Variants in SIM2 observed in about 807,000 individuals in gnomAD.
The protein encoded by SIM2 is SIM bHLH transcription factor 2, also known as single-minded homolog 2.
A neutral mutation model predicts 64.8 loss-of-function variants in SIM2; 28 were observed. That is an observed-to-expected ratio of 0.43 (90% CI 0.32 to 0.59). SIM2 has a LOEUF of 0.59. Ranked by LOEUF, SIM2 falls within the 20% of genes least tolerant of loss-of-function variation. The pLI is 0.07. For synonymous variants in SIM2, 408 were observed against 391.1 expected, an observed-to-expected ratio of 1.04 and a Z score of -0.51; for missense variants, 847 against 871.4, an observed-to-expected ratio of 0.97 and a Z score of 0.35.
In SIM2 at chr21:36,731,164, C is replaced by A; in HGVS notation, c.850+13C>A. 6.2e-7 allele frequency: 1 copy of A among 1,602,852 alleles called. No homozygotes were observed. The highest frequency in any genetic ancestry group is 8.5e-7 in the Non-Finnish European group (1 of 1,170,636). On this transcript the variant is annotated intron_variant, in intron 7 of 10. Coordinates refer to ENST00000290399, the MANE Select transcript of SIM2 (RefSeq NM_005069.6). ...GCACACCACCTCCGTGAGTAGCACG[C>A]CCACCCCAGCCACGGGAGGTAGCTG...
chr21:36,737,406 A>G (rs2089079461), intron 7 of SIM2, among the ~76,000 whole-genome samples: 1 of 151,972 alleles, frequency 6.6e-6, no homozygotes, highest in Admixed American at 6.6e-5. Flanking sequence ...TGTTTGGGAG[A>G]CTTTTTCTTG....
chr21:36,703,956 C>T (rs2123411436), intron 1 of SIM2, among the ~76,000 whole-genome samples: 1 of 152,376 alleles, frequency 6.6e-6, no homozygotes, highest in African/African-American at 2.4e-5. Flanking sequence ...GCACAACAGG[C>T]TGGTCCCAGG....
chr21:36,720,325 A>G (rs1261378662), intron 4 of SIM2: 2 of 174,304 alleles, frequency 1.1e-5, no homozygotes, highest in Non-Finnish European at 2.4e-5. Flanking sequence ...TTTCATGGGG[A>G]AAATTACATA....
intron 7 of SIM2, among the ~76,000 whole-genome samples, chr21:36,741,465 T>C (rs1266126668): frequency 6.6e-6 from 1 of 152,244 alleles, no homozygotes; most frequent in Admixed American, 6.5e-5. Flanking sequence ...CAATGACTGT[T>C]AAATAAGAGT....
At chr21:36,742,988 G>A (rs555973631) in intron 8 of SIM2, among the ~76,000 whole-genome samples, 1 of 152,278 alleles carries the variant, frequency 6.6e-6, no homozygotes, top group Admixed American at 6.5e-5. Context: ...GAAGAGTCCC[G>A]GACTCTTGCC....
intron 2 of SIM2, among the ~76,000 whole-genome samples, chr21:36,712,278 C>T (rs2088687547): frequency 6.6e-6 from 1 of 152,194 alleles, no homozygotes; most frequent in African/African-American, 2.4e-5. Context: ...AAATGTTTTG[C>T]ATGATTTTTG....
Position 36,723,037 on chromosome 21 carries a change from G to T in SIM2, c.458-8G>T, listed in dbSNP as rs1284416699. On this transcript the variant is annotated splice_region_variant and splice_polypyrimidine_tract_variant and intron_variant, in intron 4 of 10. Transcript: ENST00000290399. ...CAGCTGCCAACCTCATCTTGCTCCTGCTTGCAGAGTATGAGATAGAGAGGT... is the reference window on the plus strand; with the variant it reads ...CAGCTGCCAACCTCATCTTGCTCCTTCTTGCAGAGTATGAGATAGAGAGGT... 3.7e-6 allele frequency: 6 copies of T among 1,613,044 alleles called. No individual in the cohort carries two copies. In the East Asian group the frequency reaches 8.9e-5, roughly 24 times the overall value.
At chr21:36,724,621 C>T (rs1310500840) in intron 5 of SIM2, among the ~76,000 whole-genome samples, 5 of 152,150 alleles carry the variant, frequency 3.3e-5, no homozygotes, top group Admixed American at 6.5e-5. Flanking sequence ...ATTAACTGTC[C>T]GCTGTCCAAT....
At chr21:36,723,308 G>A (rs2088848821) in intron 5 of SIM2, among the ~76,000 whole-genome samples, 178 bp downstream of exon 5, 1 of 152,152 alleles carries the variant, frequency 6.6e-6, no homozygotes, top group African/African-American at 2.4e-5. Flanking sequence ...GGTGTTTTAG[G>A]AGGATGTTCC....
chr21:36,726,028 A>T lies in SIM2; in HGVS notation c.544-91A>T. The T allele has an allele frequency of 9.4e-7, 1 of 1,059,744 alleles. No homozygotes were observed. Among genetic ancestry groups the T allele is most frequent in the Non-Finnish European group, 1.4e-6 (1 of 699,728 alleles). The allele number at this position is 1,059,744 out of a possible 1,614,324, so 65.6% of individuals were successfully genotyped here. On this transcript the variant is annotated intron_variant, in intron 5 of 10. Transcript: ENST00000290399. The surrounding 1 kb of genome is among the most constrained non-coding windows in gnomAD (Gnocchi z 4.5). Reference sequence around the variant, plus strand: ...TGGAGTAGAGGCTGGGCTGGGAGATATTCTAGCATGTTTGAGAAAATGAGC... The same window carrying T: ...TGGAGTAGAGGCTGGGCTGGGAGATTTTCTAGCATGTTTGAGAAAATGAGC...
chr21:36,736,928 T>C (rs938604474), intron 7 of SIM2, among the ~76,000 whole-genome samples: 5 of 151,990 alleles, frequency 3.3e-5, no homozygotes, highest in Non-Finnish European at 7.4e-5. Flanking sequence ...TCTCTCTTTC[T>C]TCATTTTTAT....
chr21:36,702,711 G>T (rs540614771), intron 1 of SIM2, among the ~76,000 whole-genome samples: 1 of 152,112 alleles, frequency 6.6e-6, no homozygotes, highest in Admixed American at 6.5e-5. Flanking sequence ...ATATGGCTGC[G>T]GGGTTGGAAT....
intron 7 of SIM2, among the ~76,000 whole-genome samples, chr21:36,732,280 C>A (rs559401246): frequency 6.6e-6 from 1 of 152,226 alleles, no homozygotes; most frequent in Non-Finnish European, 1.5e-5. Flanking sequence ...CATGGCCAGT[C>A]GGGGGTGCTT....
At chr21:36,711,053 C>A (rs945146228) in intron 2 of SIM2, among the ~76,000 whole-genome samples, 3 of 152,156 alleles carry the variant, frequency 2.0e-5, no homozygotes, top group African/African-American at 2.4e-5. Context: ...TGTGGACGGG[C>A]GTCTTTGCAG....
intron 9 of SIM2, 62 bp from the exon 10 acceptor site, chr21:36,744,666 G>A: frequency 1.3e-6 from 2 of 1,503,782 alleles, no homozygotes; most frequent in Non-Finnish European, 1.8e-6. Flanking sequence ...TTCTTGCAGG[G>A]CCGGAAGGCA....
intron 9 of SIM2, among the ~76,000 whole-genome samples, chr21:36,743,821 G>T (rs2089194758): frequency 6.6e-6 from 1 of 152,224 alleles, no homozygotes; most frequent in Admixed American, 6.5e-5. Flanking sequence ...AGATTCTAAT[G>T]GGCTTGACGG....
chr21:36,733,476 T>C (rs1180401933), intron 7 of SIM2, among the ~76,000 whole-genome samples: 1 of 152,082 alleles, frequency 6.6e-6, no homozygotes, highest in Non-Finnish European at 1.5e-5. Context: ...ACTACGGGTG[T>C]GAGCCACTGC....
At chr21:36,720,539 C>T (rs2088811602) in intron 4 of SIM2, 1 of 152,260 alleles carries the variant, frequency 6.6e-6, no homozygotes, top group South Asian at 2.1e-4. Context: ...AGACCTGCTA[C>T]TGAATCTTCT....
At position 36,741,814 on chromosome 21, in the gene SIM2, C is replaced by T. The variant is rs2089164028; in HGVS notation, c.948C>T (p.Asn316=). 2.5e-6 allele frequency: 4 copies of T among 1,610,100 alleles called. No individual in the cohort carries two copies. The highest frequency in any genetic ancestry group is 2.5e-6 in the Non-Finnish European group (3 of 1,178,702). Residue 316 remains asparagine, a synonymous_variant, in exon 8 of 11, where the codon AAC becomes AAT. Transcript: ENST00000290399. ...WVQSYATVVH[N]SRSSRPHCIV... is the part of the protein sequence containing the mutation. The stretch of plus-strand genomic sequence containing the variant: ...AGAGCTACGCCACCGTGGTGCACAA[C>T]AGCCGCTCGTCCCGGCCCCACTGCA...
Sources: gnomAD v4.1 joint callset for allele counts (sites outside exome capture counted in the v4.1 genomes callset) on GRCh38, gnomAD v4.1.1 for gene constraint, Gnocchi (gnomAD v3.1) non-coding constraint, MANE v1.5 for transcripts, NCBI Gene and HGNC (gene_info 2026-07-23, HGNC 2026-07-21) for gene names.